TMEM68: variants seen among roughly 807,000 people sequenced by gnomAD.
TMEM68 encodes the protein transmembrane protein 68, also known as DGAT1/2-independent enzyme synthesizing storage lipids.
In TMEM68, 25 loss-of-function variants were observed where a neutral mutation model predicts 36.9. The ratio of observed to expected loss-of-function variants is 0.68; its 90% CI spans 0.49 to 0.95. TMEM68 has a LOEUF of 0.95. Among genes scored for constraint, TMEM68 ranks in the 40% least tolerant of loss-of-function variants. The pLI is 0.00. For synonymous variants in TMEM68, 131 were observed against 124.4 expected (o/e 1.05, Z -0.35); for missense variants, 333 against 392.0 (o/e 0.85, Z 1.27).
At chr8:55,741,187 G>A (rs1415935584) in intron 7 of TMEM68, among the ~76,000 whole-genome samples, 3 of 152,134 alleles carry the variant, frequency 2.0e-5, no homozygotes, top group South Asian at 2.1e-4. Context: ...AGCCAAGATC[G>A]CGCCATTGCA....
chr8:55,773,052 AC>A (rs1177606540), intron 1 of TMEM68: 1 of 152,292 alleles, frequency 6.6e-6, no homozygotes, highest in East Asian at 1.9e-4. Flanking sequence ...GGATCTCCAC[AC>A]CCGGCCACTC....
chr8:55,763,140 G>A (rs1585730279), intron 2 of TMEM68, 112 bp from the exon 3 acceptor site: 2 of 518,388 alleles, frequency 3.9e-6, no homozygotes, highest in East Asian at 3.3e-5. Flanking sequence ...ATGAGTAGAT[G>A]GTTAATGGTT....
At chr8:55,770,676 C>T (rs971745597) in intron 1 of TMEM68, among the ~76,000 whole-genome samples, 3 of 151,848 alleles carry the variant, frequency 2.0e-5, no homozygotes, top group Admixed American at 2.0e-4. Flanking sequence ...GACCCTGTCT[C>T]GGGGGCAGGG....
chr8:55,755,360 G>T (rs1049807429), intron 4 of TMEM68, among the ~76,000 whole-genome samples: 1 of 150,992 alleles, frequency 6.6e-6, no homozygotes. Flanking sequence ...TCTGCCTTCC[G>T]GGTTCAAGTG....
At chr8:55,764,179 C>A (rs1318372454) in intron 1 of TMEM68, among the ~76,000 whole-genome samples, 199 bp from the exon 2 acceptor site, 1 of 152,164 alleles carries the variant, frequency 6.6e-6, no homozygotes, top group Non-Finnish European at 1.5e-5. Flanking sequence ...GTGAAGACAA[C>A]TCTACACTGT....
chr8:55,767,084 GTGAAGATTA>G (rs1810989401), intron 1 of TMEM68, among the ~76,000 whole-genome samples: 1 of 72,594 alleles, frequency 1.4e-5, no homozygotes, highest in Non-Finnish European at 2.6e-5. Context: ...TAAGACTATC[GTGAAGATTA>G]CGTGTAAAAA....
intron 5 of TMEM68, chr8:55,745,723 GTC>G (rs1424533260): frequency 2.0e-5 from 3 of 152,270 alleles, no homozygotes; most frequent in Non-Finnish European, 4.4e-5. Context: ...TGGGGACAGA[GTC>G]TCACTCTGTG....
chr8:55,744,201 A>C (rs1166384769), intron 6 of TMEM68, among the ~76,000 whole-genome samples: 1 of 150,542 alleles, frequency 6.6e-6, no homozygotes, highest in Non-Finnish European at 1.5e-5. Context: ...TAGGAAAAAC[A>C]CATCAAAGCA....
Position 55,751,128 on chromosome 8 carries a change from C to T in TMEM68, c.523G>A (p.Ala175Thr). The T allele has an allele frequency of 1.2e-6, 2 of 1,610,402 alleles. No homozygotes were observed. Among genetic ancestry groups the T allele is most frequent in the Non-Finnish European group, 1.7e-6 (2 of 1,179,178 alleles). Residue 175 changes from alanine to threonine, a missense_variant, in exon 5 of 8, where the codon GCT (alanine) becomes ACT (threonine). Transcript: ENST00000434581. ...CATTTTTCTCTTGGTCCATGTAGAG[C>T]ACAAAACACATCCAGTAATAAACTA... ...GFSLLLDVFC[A>T]LHGPREKCVE...
chr8:55,769,958 G>A (rs370960137), intron 1 of TMEM68, among the ~76,000 whole-genome samples: 2 of 152,016 alleles, frequency 1.3e-5, no homozygotes, highest in East Asian at 3.9e-4. Flanking sequence ...ACAGAAATCT[G>A]GATCAAAACA....
At chr8:55,763,717 C>CCTGTTTTTATCTTAA (rs1810877868) in intron 2 of TMEM68, 3 of 47,010 alleles carry the variant, frequency 6.4e-5, no homozygotes, top group Admixed American at 5.0e-4. Flanking sequence ...CAAAAGAAAA[C>CCTGTTTTTATCTTAA]ATCAATATCT....
At position 55,745,135 on chromosome 8, in the gene TMEM68, G is replaced by A; in HGVS notation, c.688-14C>T. 7.0e-7 allele frequency: 1 copy of A among 1,435,852 alleles called. No homozygotes were observed. The highest frequency in any genetic ancestry group is 1.4e-5 in the South Asian group (1 of 73,284). The allele number at this position is 1,435,852 out of a possible 1,614,324, so 88.9% of individuals were successfully genotyped here. ...AGGAATAATGGGCTAAAGAAAAGGA[G>A]AATTTGAATTAAAAAGTAAATAAAT... On this transcript the variant is annotated splice_polypyrimidine_tract_variant and intron_variant, in intron 5 of 7. Coordinates refer to ENST00000434581, the MANE Select transcript of TMEM68 (RefSeq NM_001286657.2).
chr8:55,761,594 G>T (rs561268135), intron 3 of TMEM68: 1 of 152,104 alleles, frequency 6.6e-6, no homozygotes, highest in Non-Finnish European at 1.5e-5. Context: ...TATAATCGGG[G>T]TACCACATAG....
chr8:55,740,053 C>A lies in TMEM68; in HGVS notation c.*79G>T. ...TAAAAAATACTAATTATAGGACCTA[C>A]AAAATTCAGAAGACAGTACCTTAGA... is the stretch of plus-strand genomic sequence containing the variant. On this transcript the variant is annotated 3_prime_UTR_variant, in exon 8 of 8. Coordinates refer to ENST00000434581, the MANE Select transcript of TMEM68 (RefSeq NM_001286657.2). 8.6e-7 allele frequency: 1 copy of A among 1,159,800 alleles called. No homozygotes were observed. Among genetic ancestry groups the A allele is most frequent in the Non-Finnish European group, 1.2e-6 (1 of 814,620 alleles). 71.8% of individuals were successfully genotyped at this position (1,159,800 alleles called of 1,614,324 possible).
chr8:55,754,966 C>T (rs1227060347), intron 4 of TMEM68, among the ~76,000 whole-genome samples: 2 of 139,778 alleles, frequency 1.4e-5, no homozygotes, highest in African/African-American at 2.6e-5. Flanking sequence ...CACACACACA[C>T]ACACACACAC....
intron 5 of TMEM68, among the ~76,000 whole-genome samples, chr8:55,749,641 C>T (rs1329819187): frequency 1.3e-5 from 2 of 152,098 alleles, no homozygotes; most frequent in African/African-American, 2.4e-5. Context: ...ATGACCAGAT[C>T]CCTTCCATCC....
At chr8:55,747,846 CAG>C (rs1810329183) in intron 5 of TMEM68, 1 of 152,096 alleles carries the variant, frequency 6.6e-6, no homozygotes, top group Non-Finnish European at 1.5e-5. Context: ...CAAGAAGAAA[CAG>C]AAATATTTCA....
intron 3 of TMEM68, chr8:55,762,317 C>A (rs749340144): frequency 5.7e-6 from 2 of 349,438 alleles, no homozygotes; most frequent in Non-Finnish European, 5.0e-6. Flanking sequence ...ATAATTGAAG[C>A]ATTTTTAAAG....
At chr8:55,770,226 C>A (rs1217087973) in intron 1 of TMEM68, among the ~76,000 whole-genome samples, 1 of 152,190 alleles carries the variant, frequency 6.6e-6, no homozygotes, top group Non-Finnish European at 1.5e-5. Flanking sequence ...TGGCTTCCAA[C>A]ACACTTTCTT....
Sources: gnomAD v4.1 joint callset for allele counts (sites outside exome capture counted in the v4.1 genomes callset) on GRCh38, gnomAD v4.1.1 for gene constraint, MANE v1.5 for transcripts, NCBI Gene and HGNC (gene_info 2026-07-23, HGNC 2026-07-21) for gene names.